Variants in CRYBG1 observed in about 807,000 individuals in gnomAD.
CRYBG1 encodes the protein crystallin beta-gamma domain containing 1, also known as beta/gamma crystallin domain-containing protein 1.
Under a neutral mutation model 189.2 loss-of-function variants are expected in CRYBG1, and 139 were observed. The observed-to-expected ratio is 0.73, with a 90% confidence interval of 0.64 to 0.85. The LOEUF is 0.85. Ranked by LOEUF, CRYBG1 falls within the 40% of genes least tolerant of loss-of-function variation. The pLI is 0.00. For synonymous variants in CRYBG1, 1,023 were observed against 1,017.1 expected (o/e 1.01, Z -0.11); for missense variants, 2,611 against 2,675.8 (o/e 0.98, Z 0.53).
At chr6:106,391,960 TGTG>T (rs1770514569) in intron 1 of CRYBG1, among the ~76,000 whole-genome samples, 1 of 46,266 alleles carries the variant, frequency 2.2e-5, no homozygotes, top group African/African-American at 8.5e-5. Flanking sequence ...TGTGTGTGTG[TGTG>T]TGTGTGTGCG....
In CRYBG1 at chr6:106,481,800, A is replaced by G. The variant is rs113370818; in HGVS notation, c.313-29630A>G. ...TCAGGCCCATCAGGGTCCTTGCAGC[A>G]CAGCCCTCTCTGTACCTGTCCTGGG... On this transcript the variant is annotated intron_variant, in intron 2 of 21. Transcript: ENST00000633556. Among the ~76,000 whole-genome samples the G allele has an allele frequency of 2.4e-3, 367 of 152,080 alleles. 1 individual carries two copies. Among genetic ancestry groups the G allele is most frequent in the Non-Finnish European group, 3.6e-3 (246 of 67,992 alleles).
rs182343385 is a variant in CRYBG1 at position 106,422,521 on chromosome 6, G to A, written c.174-29173G>A. 5.1e-3 allele frequency among the ~76,000 whole-genome samples: 773 copies of A among 151,796 alleles called. 5 individuals are homozygous for A. Among genetic ancestry groups the A allele is most frequent in the Middle Eastern group, 0.014 (4 of 294 alleles). On this transcript the variant is annotated intron_variant, in intron 1 of 21. Transcript: ENST00000633556. ...TAATTTTTGTATTGTTTTTTAGAGA[G>A]CGTGTTTCACCATATTGCCCAGGCT...
chr6:106,440,184 A>G (rs9486342), intron 1 of CRYBG1, among the ~76,000 whole-genome samples: 3,853 of 151,978 alleles, frequency 0.025, 129 homozygotes, highest in African/African-American at 0.077. Context: ...ATTTCCACAT[A>G]TAGAATTTTC....
intron 11 of CRYBG1, among the ~76,000 whole-genome samples, chr6:106,544,330 C>T (rs1280468711): frequency 6.6e-6 from 1 of 152,126 alleles, no homozygotes; most frequent in Non-Finnish European, 1.5e-5. Context: ...CACACACATA[C>T]ACACCACTCA....
intron 1 of CRYBG1, among the ~76,000 whole-genome samples, chr6:106,381,482 G>A (rs192778963): frequency 3.9e-4 from 60 of 152,284 alleles, no homozygotes; most frequent in African/African-American, 1.4e-3. Flanking sequence ...AGGTTACCTA[G>A]GAGATTGGCA....
chr6:106,439,261 A>C (rs1771525780), intron 1 of CRYBG1, among the ~76,000 whole-genome samples: 1 of 152,186 alleles, frequency 6.6e-6, no homozygotes, highest in Non-Finnish European at 1.5e-5. Flanking sequence ...TGTGTGAAAT[A>C]GAAAATTTTA....
chr6:106,432,695 C>T (rs1397420938), intron 1 of CRYBG1, among the ~76,000 whole-genome samples: 1 of 152,236 alleles, frequency 6.6e-6, no homozygotes, highest in Non-Finnish European at 1.5e-5. Flanking sequence ...AATGTGCCCA[C>T]CACGTGCACC....
At position 106,520,091 on chromosome 6, in the gene CRYBG1, G is replaced by A. The variant is rs200465353; in HGVS notation, c.2883G>A (p.Val961=). ...TCCTCGTCCAGGTCAGGTCCTTCGT[G>A]CTCCCCGTGGAGAGCACCCAGGATG... ...SRVLVQVRSF[V]LPVESTQDVS... is the part of the protein sequence containing the mutation. The change falls in exon 4 of 22, where the codon GTG becomes GTA. Residue 961 remains valine (V), a synonymous_variant. Transcript: ENST00000633556. 10 of 1,614,114 alleles carry A rather than the reference G, an allele frequency of 6.2e-6. No individual in the cohort carries two copies. The highest frequency in any genetic ancestry group is 2.2e-5 in the East Asian group (1 of 44,878).
intron 1 of CRYBG1, among the ~76,000 whole-genome samples, chr6:106,435,734 C>T (rs1278787163): frequency 2.0e-5 from 3 of 152,082 alleles, no homozygotes; most frequent in Admixed American, 6.6e-5. Context: ...TGCCACCATG[C>T]CCAGCTAATT....
chr6:106,566,853 C>G (rs563105083), intron 21 of CRYBG1, among the ~76,000 whole-genome samples: 122 of 152,202 alleles, frequency 8.0e-4, no homozygotes, highest in African/African-American at 2.9e-3. Flanking sequence ...TAAAATTGCC[C>G]TAAGAATTAT....
rs146978456 is a variant in CRYBG1, at chr6:106,530,515, C to T, written c.4718+200C>T. ...GATTCATCTGTCTTAAAAACAGTAT[C>T]GATTTATTATAGGAAATGGGGGGGG... On this transcript the variant is annotated intron_variant, in intron 8 of 21. Transcript: ENST00000633556. 7.1e-5 allele frequency among the ~76,000 whole-genome samples: 10 copies of T among 140,052 alleles called. 1 individual carries two copies. Among genetic ancestry groups the T allele is most frequent in the East Asian group, 2.1e-4 (1 of 4,714 alleles). 91.9% of individuals were successfully genotyped at this position (140,052 alleles called of 152,430 possible).
intron 2 of CRYBG1, among the ~76,000 whole-genome samples, chr6:106,485,947 G>T (rs1026894597): frequency 3.3e-5 from 5 of 152,128 alleles, no homozygotes; most frequent in African/African-American, 1.2e-4. Flanking sequence ...CAGTGTTTTT[G>T]TCTGGTTTTT....
intron 8 of CRYBG1, among the ~76,000 whole-genome samples, chr6:106,534,641 A>G (rs957688127): frequency 4.6e-5 from 7 of 152,224 alleles, no homozygotes; most frequent in Non-Finnish European, 8.8e-5. Context: ...ACACAAAATA[A>G]GGGTGTTACT....
intron 2 of CRYBG1, among the ~76,000 whole-genome samples, chr6:106,459,545 G>GT (rs35095662): frequency 0.059 from 8,264 of 138,898 alleles, 763 homozygotes; most frequent in African/African-American, 0.2. Flanking sequence ...CCATTTGTGG[G>GT]TTTTTTTTTT....
At chr6:106,457,198 G>A (rs1771907088) in intron 2 of CRYBG1, 1 of 152,278 alleles carries the variant, frequency 6.6e-6, no homozygotes, top group African/African-American at 2.4e-5. Flanking sequence ...CATCTGGTGA[G>A]AGCCTTCTTG....
intron 8 of CRYBG1, among the ~76,000 whole-genome samples, chr6:106,538,667 C>T (rs540003484): frequency 6.6e-5 from 10 of 151,930 alleles, no homozygotes; most frequent in South Asian, 2.1e-4. Context: ...CCAAGGCGGG[C>T]GGATCACCTG....
At chr6:106,503,087 C>T (rs538931060) in intron 2 of CRYBG1, among the ~76,000 whole-genome samples, 2 of 152,248 alleles carry the variant, frequency 1.3e-5, no homozygotes, top group South Asian at 2.1e-4. Context: ...GAGAGAACAG[C>T]GGCGGAAGTG....
At chr6:106,561,045 C>T (rs1582841689) in intron 19 of CRYBG1, 119 bp downstream of exon 19, 1 of 1,147,574 alleles carries the variant, frequency 8.7e-7, no homozygotes, top group Admixed American at 2.6e-5. Context: ...ACCCTATAAA[C>T]TCCTTCCCTG....
chr6:106,465,439 G>C (rs1010798363), intron 2 of CRYBG1, among the ~76,000 whole-genome samples: 3 of 152,152 alleles, frequency 2.0e-5, no homozygotes, highest in African/African-American at 7.2e-5. Context: ...TGGAGCCCTA[G>C]GCATTCCTTT....
Sources: gnomAD v4.1 joint callset for allele counts (sites outside exome capture counted in the v4.1 genomes callset) on GRCh38, gnomAD v4.1.1 for gene constraint, MANE v1.5 for transcripts, NCBI Gene and HGNC (gene_info 2026-07-23, HGNC 2026-07-21) for gene names.